ARHGAP28: variants seen among roughly 807,000 people sequenced by gnomAD.
ARHGAP28 encodes the protein rho GTPase-activating protein 28.
ARHGAP28 carries 56 observed loss-of-function variants against 90.7 expected under a neutral mutation model. The ratio of observed to expected loss-of-function variants is 0.62; its 90% confidence interval spans 0.50 to 0.77. The LOEUF (loss-of-function observed/expected upper bound fraction) is 0.77. ARHGAP28 is among the 30% of genes least tolerant of loss of function. ARHGAP28 has a pLI of 0.00. For missense variants in ARHGAP28, 869 were observed against 900.9 expected (o/e 0.96, Z 0.45); for synonymous variants, 308 against 323.3 (o/e 0.95, Z 0.51).
intron 1 of ARHGAP28, among the ~76,000 whole-genome samples, chr18:6,745,893 G>T (rs1368391991): frequency 6.6e-6 from 1 of 152,090 alleles, no homozygotes; most frequent in Non-Finnish European, 1.5e-5. Context: ...GGTTAAGAGG[G>T]GCTGGGCAAG....
At chr18:6,848,406 T>C (rs2056882888) in intron 3 of ARHGAP28, among the ~76,000 whole-genome samples, 1 of 152,152 alleles carries the variant, frequency 6.6e-6, no homozygotes, top group African/African-American at 2.4e-5. Context: ...ATGAAACAAT[T>C]GTAGGTATTT....
chr18:6,882,858 A>C (rs1168150767), intron 11 of ARHGAP28, among the ~76,000 whole-genome samples: 1 of 152,234 alleles, frequency 6.6e-6, no homozygotes, highest in African/African-American at 2.4e-5. Context: ...CTTTAAGTGA[A>C]GTATGTGGGC....
rs10602816 is a variant in ARHGAP28, at chr18:6,782,592, A to ATTTTTTTTTTTTTTTTT, written c.123-42149_123-42133dup. Among the ~76,000 whole-genome samples the ATTTTTTTTTTTTTTTTT allele has an allele frequency of 1.9e-4, 5 of 26,692 alleles. 1 individual carries two copies. The highest frequency in any genetic ancestry group is 1.6e-4 in the Non-Finnish European group (2 of 12,334). The allele number at this position is 26,692 out of a possible 152,430, so 17.5% of individuals were successfully genotyped here. A position where few individuals can be genotyped will look rare whatever the true frequency, so the allele number is the denominator to read the frequency against. ...GCCATCACGCCCAGCTAATTTTTGT[A>ATTTTTTTTTTTTTTTTT]TTTTTTTTTTTTTTTTTTTTTTTTT... is the stretch of plus-strand genomic sequence containing the variant. On this transcript the variant is annotated intron_variant, in intron 1 of 17. Coordinates refer to ENST00000383472, the MANE Select transcript of ARHGAP28 (RefSeq NM_001366230.1).
intron 16 of ARHGAP28, among the ~76,000 whole-genome samples, 163 bp from the exon 17 acceptor site, chr18:6,908,797 G>A (rs1436462819): frequency 6.6e-6 from 1 of 152,146 alleles, no homozygotes; most frequent in African/African-American, 2.4e-5. Flanking sequence ...TGTGTCAGAC[G>A]GAAAAACAAT....
intron 10 of ARHGAP28, among the ~76,000 whole-genome samples, chr18:6,879,364 T>G (rs959672241): frequency 6.6e-6 from 1 of 152,226 alleles, no homozygotes; most frequent in African/African-American, 2.4e-5. Flanking sequence ...CATTTGCATT[T>G]GTATAAAACT....
At chr18:6,800,285 G>C (rs1343803117) in intron 1 of ARHGAP28, among the ~76,000 whole-genome samples, 1 of 152,254 alleles carries the variant, frequency 6.6e-6, no homozygotes, top group South Asian at 2.1e-4. Flanking sequence ...TTCAACTATT[G>C]TGGAAGACAG....
chr18:6,811,031 G>A (rs1479343902), intron 1 of ARHGAP28, among the ~76,000 whole-genome samples: 1 of 152,112 alleles, frequency 6.6e-6, no homozygotes, highest in Non-Finnish European at 1.5e-5. Flanking sequence ...GTTTTATAAA[G>A]TTCTGTAAGA....
chr18:6,783,461 C>T (rs1431747604), intron 1 of ARHGAP28, among the ~76,000 whole-genome samples: 1 of 144,050 alleles, frequency 6.9e-6, no homozygotes, highest in Non-Finnish European at 1.5e-5. Flanking sequence ...GCCACCAGGC[C>T]TGGCTAATTT....
intron 1 of ARHGAP28, chr18:6,790,631 G>A (rs1030095112): frequency 6.6e-6 from 1 of 152,208 alleles, no homozygotes; most frequent in Non-Finnish European, 1.5e-5. Context: ...CAAGAGGGGT[G>A]GGGAGTCTAC....
At chr18:6,821,485 A>C (rs1313405253) in intron 1 of ARHGAP28, among the ~76,000 whole-genome samples, 5 of 152,234 alleles carry the variant, frequency 3.3e-5, no homozygotes, top group African/African-American at 1.2e-4. Context: ...GAAGCTGCCC[A>C]TTAAGGCTCA....
intron 1 of ARHGAP28, among the ~76,000 whole-genome samples, chr18:6,823,011 C>T (rs568140473): frequency 8.5e-5 from 13 of 152,304 alleles, no homozygotes; most frequent in African/African-American, 2.4e-4. Context: ...CCACAGTGGA[C>T]GTTATTGTGC....
At chr18:6,911,170 TTTCAAGCACAC>T (rs2057396950) in intron 17 of ARHGAP28, among the ~76,000 whole-genome samples, 1 of 152,302 alleles carries the variant, frequency 6.6e-6, no homozygotes, top group East Asian at 1.9e-4. Context: ...TCAGCATACA[TTTCAAGCACAC>T]TGCACGTAAA....
At chr18:6,906,740 C>T (rs2057366651) in intron 16 of ARHGAP28, among the ~76,000 whole-genome samples, 1 of 152,052 alleles carries the variant, frequency 6.6e-6, no homozygotes, top group Non-Finnish European at 1.5e-5. Context: ...TAGAGCTTGA[C>T]ATAAAAAATG....
intron 1 of ARHGAP28, among the ~76,000 whole-genome samples, chr18:6,824,433 AGGC>A (rs1377966880): frequency 1.3e-5 from 2 of 152,136 alleles, no homozygotes; most frequent in African/African-American, 4.8e-5. Flanking sequence ...GCTACTCGGG[AGGC>A]AAAAGCAGGA....
intron 1 of ARHGAP28, among the ~76,000 whole-genome samples, chr18:6,773,140 C>G (rs56077505): frequency 6.6e-6 from 1 of 152,028 alleles, no homozygotes; most frequent in South Asian, 2.1e-4. Flanking sequence ...TGAAATTACG[C>G]ATTTATCCAT....
At chr18:6,838,703 A>G (rs898395103) in intron 3 of ARHGAP28, among the ~76,000 whole-genome samples, 6 of 152,254 alleles carry the variant, frequency 3.9e-5, no homozygotes, top group Non-Finnish European at 8.8e-5. Context: ...ATTGAATAAC[A>G]TAGTTCTAGA....
chr18:6,915,583 A>G lies in ARHGAP28; in HGVS notation c.*3429A>G, dbSNP rs2057418290. The G allele has an allele frequency of 6.6e-6, 1 of 152,232 alleles. No homozygotes were observed. Among genetic ancestry groups the G allele is most frequent in the South Asian group, 2.1e-4 (1 of 4,826 alleles). The allele number at this position is 152,232 out of a possible 1,614,324, so 9.4% of individuals were successfully genotyped here. A position where few individuals can be genotyped will look rare whatever the true frequency, so the allele number is the denominator to read the frequency against. On this transcript the variant is annotated 3_prime_UTR_variant, in exon 18 of 18. Coordinates refer to ENST00000383472, the MANE Select transcript of ARHGAP28 (RefSeq NM_001366230.1). The stretch of plus-strand genomic sequence containing the variant: ...CTAATTTGACAAATCATGACACTAG[A>G]AAACGCCAATGTTTTATGTCTTTGC...
At chr18:6,767,221 G>C (rs1054177643) in intron 1 of ARHGAP28, among the ~76,000 whole-genome samples, 38 of 151,966 alleles carry the variant, frequency 2.5e-4, no homozygotes, top group African/African-American at 9.2e-4. Flanking sequence ...TCCTGTGTAA[G>C]AATCTTATGA....
intron 1 of ARHGAP28, among the ~76,000 whole-genome samples, chr18:6,760,088 C>T (rs2056146303): frequency 6.6e-6 from 1 of 152,122 alleles, no homozygotes; most frequent in Non-Finnish European, 1.5e-5. Context: ...TATATCCTAA[C>T]TATGCCTGCC....
Sources: allele counts gnomAD v4.1 joint callset (sites outside exome capture counted in the v4.1 genomes callset), GRCh38; gene constraint gnomAD v4.1.1; transcripts MANE v1.5; gene names NCBI Gene and HGNC (gene_info 2026-07-23, HGNC 2026-07-21).